The following PLEKHG2 variants were observed in gnomAD, a reference collection of about 807,000 sequenced individuals.
The protein encoded by PLEKHG2 is pleckstrin homology and RhoGEF domain containing G2, also known as pleckstrin homology domain-containing family G member 2.
A neutral mutation model predicts 104.4 loss-of-function variants in PLEKHG2; 71 were observed. The observed-to-expected ratio is 0.68, with a 90% CI of 0.56 to 0.83. The LOEUF (loss-of-function observed/expected upper bound fraction) is 0.83, where lower values mean the gene tolerates loss of function less well. Ranked by LOEUF, PLEKHG2 falls within the 40% of genes least tolerant of loss-of-function variation. The pLI, the probability that PLEKHG2 is intolerant of heterozygous loss-of-function variation, is 0.00. For synonymous variants in PLEKHG2, 728 were observed against 737.0 expected (o/e 0.99, Z 0.20); for missense variants, 1,730 against 1,809.4 (o/e 0.96, Z 0.80).
rs1240879014 is a variant in PLEKHG2, at chr19:39,416,272, G to T, written c.480-76G>T. The T allele has an allele frequency of 1.5e-5, 22 of 1,453,246 alleles. No homozygotes were observed. The highest frequency in any genetic ancestry group is 1.9e-5 in the Non-Finnish European group (20 of 1,040,328). 90.0% of individuals were successfully genotyped at this position (1,453,246 alleles called of 1,614,324 possible). ...CCCCCAGCCCCAGCAGACCATTGGG[G>T]CCTCAGCCTCCTGGAGGCCTCCCAT... is the stretch of plus-strand genomic sequence containing the variant. On this transcript the variant is annotated intron_variant, in intron 4 of 18. Coordinates refer to ENST00000425673, the MANE Select transcript of PLEKHG2 (RefSeq NM_022835.3). This position sits in a 1 kb window ranked among gnomAD's most constrained non-coding sequence, Gnocchi z 4.5.
In PLEKHG2 at chr19:39,425,500, C is replaced by T. The variant is rs1042567331; in HGVS notation, c.*206C>T. Reference sequence around the variant, plus strand: ...GAATGTCATTAATGTTTTGTTAATACTGATTCTTTCATGCAATGATGTGTA... The same window carrying T: ...GAATGTCATTAATGTTTTGTTAATATTGATTCTTTCATGCAATGATGTGTA... On this transcript the variant is annotated 3_prime_UTR_variant, in exon 19 of 19. Coordinates refer to ENST00000425673, the MANE Select transcript of PLEKHG2 (RefSeq NM_022835.3). The T allele has an allele frequency of 1.3e-6, 1 of 785,876 alleles. No homozygotes were observed. The highest frequency in any genetic ancestry group is 1.8e-6 in the Non-Finnish European group (1 of 541,532). 48.7% of individuals were successfully genotyped at this position (785,876 alleles called of 1,614,324 possible).
Position 39,423,935 on chromosome 19 carries a change from T to C in PLEKHG2, c.2802T>C (p.Ala934=). 2 of 1,614,192 alleles carry C rather than the reference T, an allele frequency of 1.2e-6. No homozygotes were observed. The highest frequency in any genetic ancestry group is 1.7e-6 in the Non-Finnish European group (2 of 1,180,012). ...KQDLPGIHVS[A]ATLLPEQGGS... ...ACCTTCCGGGCATCCACGTTTCAGC[T>C]GCTACCCTTTTGCCTGAGCAAGGAG... Residue 934 remains alanine (A), a synonymous_variant, in exon 19 of 19, where the codon GCT becomes GCC. Transcript: ENST00000425673.
In PLEKHG2 at chr19:39,416,780, C is replaced by T. The variant is rs1237560556; in HGVS notation, c.594-70C>T. Reference sequence around the variant, plus strand: ...ACCCTGACCCTTCCCAAACCCTGGCCCCTCCCTAACCCCTCTTGACCCCGC... The same window carrying T: ...ACCCTGACCCTTCCCAAACCCTGGCTCCTCCCTAACCCCTCTTGACCCCGC... On this transcript the variant is annotated intron_variant, in intron 6 of 18. Coordinates refer to ENST00000425673, the MANE Select transcript of PLEKHG2 (RefSeq NM_022835.3). The surrounding 1 kb of genome is among the most constrained non-coding windows in gnomAD (Gnocchi z 4.5). 5.9e-6 allele frequency: 9 copies of T among 1,525,072 alleles called. No individual in the cohort carries two copies. The highest frequency in any genetic ancestry group is 1.4e-5 in the African/African-American group (1 of 72,844). 94.5% of individuals were successfully genotyped at this position (1,525,072 alleles called of 1,614,324 possible).
rs888035614 is a variant in PLEKHG2 at position 39,415,608 on chromosome 19, G to A, written c.479+169G>A. Among the ~76,000 whole-genome samples the A allele has an allele frequency of 8.3e-6, 1 of 120,750 alleles. No homozygotes were observed. Among genetic ancestry groups the A allele is most frequent in the Non-Finnish European group, 1.8e-5 (1 of 55,692 alleles). The allele number at this position is 120,750 out of a possible 152,430, so 79.2% of individuals were successfully genotyped here. A position where few individuals can be genotyped will look rare whatever the true frequency, so the allele number is the denominator to read the frequency against. ...AGGGAGGACCCCGAGTGAGGGAGGG[G>A]CATAGGGGATGGGAGGACCCCGAGT... On this transcript the variant is annotated intron_variant, in intron 4 of 18. Coordinates refer to ENST00000425673, the MANE Select transcript of PLEKHG2 (RefSeq NM_022835.3). This position sits in a 1 kb window ranked among gnomAD's most constrained non-coding sequence, Gnocchi z 4.6.
Position 39,424,019 on chromosome 19 carries a change from G to C in PLEKHG2, c.2886G>C (p.Leu962=). 7 of 1,613,642 alleles carry C rather than the reference G, an allele frequency of 4.3e-6. No homozygotes were observed. Among genetic ancestry groups the C allele is most frequent in the Non-Finnish European group, 5.9e-6 (7 of 1,179,866 alleles). The change falls in exon 19 of 19, where the codon CTG becomes CTC. Residue 962 remains leucine, a synonymous_variant. Coordinates refer to ENST00000425673, the MANE Select transcript of PLEKHG2 (RefSeq NM_022835.3). ...CTTTGCCCAAGCAAGAAGGCCCCCT[G>C]CACCTCCAGGTGCCGGCTCTTACAA... is the stretch of plus-strand genomic sequence containing the variant. The part of the protein sequence containing the change: ...ATPLPKQEGP[L]HLQVPALTTF...
rs376990743 is a variant in PLEKHG2 at position 39,416,318 on chromosome 19, C to A, written c.480-30C>A. On this transcript the variant is annotated intron_variant, in intron 4 of 18. Coordinates refer to ENST00000425673, the MANE Select transcript of PLEKHG2 (RefSeq NM_022835.3). The surrounding 1 kb of genome is among the most constrained non-coding windows in gnomAD (Gnocchi z 4.5). ...CCCATGGAGGGGTCGTGAAGGCAGG[C>A]GGTTCCTCACCCTCCCCTCTCCCCT... The A allele has an allele frequency of 9.9e-6, 16 of 1,609,882 alleles. No individual in the cohort carries two copies. The highest frequency in any genetic ancestry group is 1.2e-5 in the Non-Finnish European group (14 of 1,178,086).
chr19:39,418,440 G>A (rs772689805), intron 9 of PLEKHG2, among the ~76,000 whole-genome samples: 34 of 152,042 alleles, frequency 2.2e-4, no homozygotes, highest in Non-Finnish European at 4.6e-4. Flanking sequence ...TTAGCTGGAC[G>A]TGGTGGCAAG....
chr19:39,414,357 A>G (rs943154141), intron 2 of PLEKHG2, 162 bp downstream of exon 2: 3 of 679,218 alleles, frequency 4.4e-6, no homozygotes, highest in Non-Finnish European at 7.5e-6. Context: ...CAGAGGGGGC[A>G]GCGCTGGGCA....
intron 8 of PLEKHG2, 37 bp downstream of exon 8, chr19:39,417,729 G>T: frequency 2.1e-6 from 3 of 1,461,810 alleles, no homozygotes; most frequent in Non-Finnish European, 2.8e-6. Flanking sequence ...CTGGATGAGG[G>T]AGTGAGCGAG....
chr19:39,419,103 A>G, intron 11 of PLEKHG2, 100 bp downstream of exon 11: 1 of 1,075,816 alleles, frequency 9.3e-7, no homozygotes, highest in African/African-American at 1.6e-5. Flanking sequence ...GCAGTCTGTT[A>G]TAATGTGATT....
Position 39,416,529 on chromosome 19 carries a change from C to T in PLEKHG2, c.547-22C>T. On this transcript the variant is annotated intron_variant, in intron 5 of 18. Transcript: ENST00000425673. This position sits in a 1 kb window ranked among gnomAD's most constrained non-coding sequence, Gnocchi z 4.5. ...TGGGAAGCCAGGACCTGGGGTCTCC[C>T]TGACTCCCATGTCACCCGCAGAGCG... 1 of 1,613,834 alleles carries T rather than the reference C, an allele frequency of 6.2e-7. No homozygotes were observed. The highest frequency in any genetic ancestry group is 8.5e-7 in the Non-Finnish European group (1 of 1,179,888).
Position 39,424,405 on chromosome 19 carries a change from G to T in PLEKHG2, c.3272G>T (p.Gly1091Val). ...AGCAGCCTGGATCCCCAGGGCCCAG[G>T]CGACACCCTACCACCCTTGCCATGT... ...HGSSLDPQGP[G>V]DTLPPLPCHL... Residue 1091 changes from glycine (G) to valine (V), a missense_variant, in exon 19 of 19, where the codon GGC (glycine) becomes GTC (valine). By Grantham distance (109) the Gly-to-Val change is moderately radical. Coordinates refer to ENST00000425673, the MANE Select transcript of PLEKHG2 (RefSeq NM_022835.3). The T allele has an allele frequency of 6.2e-7, 1 of 1,614,052 alleles. No homozygotes were observed. Among genetic ancestry groups the T allele is most frequent in the Non-Finnish European group, 8.5e-7 (1 of 1,179,998 alleles).
In PLEKHG2 at chr19:39,415,116, G is replaced by T; in HGVS notation, c.234G>T (p.Glu78Asp). 6.3e-7 allele frequency: 1 copy of T among 1,597,370 alleles called. No individual in the cohort carries two copies. The highest frequency in any genetic ancestry group is 1.7e-5 in the Admixed American group (1 of 58,112). ...CAGCCTGCTCAGCCTCCAGGCCAGA[G>T]CCCCTTCCAGGGCCTCCCATCCGCC... is the stretch of plus-strand genomic sequence containing the variant. ...PTPACSASRP[E>D]PLPGPPIRLH... is the part of the protein sequence containing the mutation. The change falls in exon 3 of 19, where the codon GAG becomes GAT. Residue 78 changes from glutamate to aspartate, a missense_variant. Coordinates refer to ENST00000425673, the MANE Select transcript of PLEKHG2 (RefSeq NM_022835.3). This position sits in a 1 kb window ranked among gnomAD's most constrained non-coding sequence, Gnocchi z 4.6.
Position 39,424,914 on chromosome 19 carries a change from A to G in PLEKHG2, c.3781A>G (p.Ser1261Gly). 1 of 1,614,144 alleles carries G rather than the reference A, an allele frequency of 6.2e-7. No individual in the cohort carries two copies. Among genetic ancestry groups the G allele is most frequent in the Non-Finnish European group, 8.5e-7 (1 of 1,180,030 alleles). ...GTCTTCAGACTTGACGCCACCTCAT[A>G]GTCCCCCACCTTCCAGCCGTCAGCT... ...LESSDLTPPH[S>G]PPPSSRQLLG... Residue 1261 changes from serine (S) to glycine (G), a missense_variant, in exon 19 of 19, where the codon AGT (serine) becomes GGT (glycine). Coordinates refer to ENST00000425673, the MANE Select transcript of PLEKHG2 (RefSeq NM_022835.3).
rs755009376 is a variant in PLEKHG2, at chr19:39,424,782, AGAG to A, written c.3654_3656del (p.Gly1219del). ...TCCAGCTGCCACACCTTTACCTGAG[AGAG>A]GAGGCTCTCTAGACATTCAGGGCCT... On this transcript the variant is annotated inframe_deletion, in exon 19 of 19. Coordinates refer to ENST00000425673, the MANE Select transcript of PLEKHG2 (RefSeq NM_022835.3). 2.5e-6 allele frequency: 4 copies of A among 1,614,068 alleles called. No individual in the cohort carries two copies. In the South Asian group the frequency reaches 4.4e-5, roughly 18 times the overall value.
In PLEKHG2 at chr19:39,423,866, C is replaced by G; in HGVS notation, c.2733C>G (p.Ser911Arg). The change falls in exon 19 of 19, where the codon AGC (serine) becomes AGG (arginine). Residue 911 changes from serine to arginine, a missense_variant. Ser to Arg is a moderately radical substitution (Grantham distance 110). Transcript: ENST00000425673. ...TACCTTTGTCAAAGCAGGGAGGCAG[C>G]CCGGATGGCCAGGGTCTACATGTTT... Reference protein sequence around the residue: ...AAIPLSKQGGSPDGQGLHVSN... With the variant: ...AAIPLSKQGGRPDGQGLHVSN... The G allele has an allele frequency of 6.2e-7, 1 of 1,614,200 alleles. No individual in the cohort carries two copies. Among genetic ancestry groups the G allele is most frequent in the Non-Finnish European group, 8.5e-7 (1 of 1,180,046 alleles).
chr19:39,421,206 C>T, intron 15 of PLEKHG2, 77 bp from the exon 16 acceptor site: 1 of 1,612,510 alleles, frequency 6.2e-7, no homozygotes, highest in Admixed American at 1.7e-5. Flanking sequence ...TGCTTCAGCT[C>T]ATCAGTTATG....
In PLEKHG2 at chr19:39,423,621, C is replaced by G. The variant is rs140018550; in HGVS notation, c.2567C>G (p.Ser856Cys). The G allele has an allele frequency of 5.8e-5, 89 of 1,534,946 alleles. No individual in the cohort carries two copies. The highest frequency in any genetic ancestry group is 6.2e-5 in the Non-Finnish European group (71 of 1,142,740). ...CGGGTTCTGGCCCAACCCCAGCCAT[C>G]CCCCTGTCTGCCCCAGGAGCAGGCA... is the stretch of plus-strand genomic sequence containing the variant. ...RPRVLAQPQP[S>C]PCLPQEQAEP... Residue 856 changes from serine to cysteine, a missense_variant, in exon 18 of 19, where the codon TCC becomes TGC. By Grantham distance (112) the Ser-to-Cys change is moderately radical (BLOSUM62 -1). Coordinates refer to ENST00000425673, the MANE Select transcript of PLEKHG2 (RefSeq NM_022835.3).
In PLEKHG2 at chr19:39,414,137, C is replaced by T. The variant is rs1199893811; in HGVS notation, c.51C>T (p.Leu17=). ...GCCTCTCCAAACCTAGCCCAAGCCTCGGGTGTGGCCGAAGAGGTGAAGTGT... is the reference window on the plus strand; with the variant it reads ...GCCTCTCCAAACCTAGCCCAAGCCTTGGGTGTGGCCGAAGAGGTGAAGTGT... ...GLSLSKPSPS[L]GCGRRGEVCD... Residue 17 remains leucine (L), a synonymous_variant, in exon 2 of 19, where the codon CTC becomes CTT. Coordinates refer to ENST00000425673, the MANE Select transcript of PLEKHG2 (RefSeq NM_022835.3). The T allele has an allele frequency of 3.9e-6, 6 of 1,551,562 alleles. No homozygotes were observed. Among genetic ancestry groups the T allele is most frequent in the Middle Eastern group, 1.7e-4 (1 of 5,990 alleles).
Sources: gnomAD v4.1 joint callset for allele counts (sites outside exome capture counted in the v4.1 genomes callset) on GRCh38, gnomAD v4.1.1 for gene constraint, Gnocchi (gnomAD v3.1) non-coding constraint, MANE v1.5 for transcripts, NCBI Gene and HGNC (gene_info 2026-07-23, HGNC 2026-07-21) for gene names.